STRN3: variants seen among roughly 807,000 people sequenced by gnomAD.
The protein encoded by STRN3 is striatin-3.
Under a neutral mutation model 95.6 loss-of-function variants are expected in STRN3, and 29 were observed. The ratio of observed to expected loss-of-function variants is 0.30; its 90% CI spans 0.23 to 0.41. The LOEUF is 0.41. Among genes scored for constraint, STRN3 ranks in the 10% least tolerant of loss-of-function variants. The pLI is 1.00. For missense variants in STRN3, 890 were observed against 972.1 expected (o/e 0.92, Z 1.12); for synonymous variants, 331 against 357.6 (o/e 0.93, Z 0.84).
At chr14:30,963,947 C>T (rs1276918230) in intron 1 of STRN3, among the ~76,000 whole-genome samples, 3 of 152,048 alleles carry the variant, frequency 2.0e-5, no homozygotes, top group Non-Finnish European at 2.9e-5. Context: ...GATATAAATG[C>T]TTACATTAAA....
At chr14:30,968,004 TCTC>T (rs1880619267) in intron 1 of STRN3, among the ~76,000 whole-genome samples, 1 of 152,052 alleles carries the variant, frequency 6.6e-6, no homozygotes, top group Non-Finnish European at 1.5e-5. Flanking sequence ...TAATAACTGG[TCTC>T]CTCAAACGTG....
At chr14:30,909,313 C>T (rs1162471026) in intron 13 of STRN3, among the ~76,000 whole-genome samples, 8 of 152,190 alleles carry the variant, frequency 5.3e-5, no homozygotes, top group African/African-American at 9.6e-5. Flanking sequence ...AAGACCACCC[C>T]GGGCAACATG....
Position 30,900,747 on chromosome 14 carries a change from C to CA in STRN3, c.2137+1788dup, listed in dbSNP as rs57963139. Among the ~76,000 whole-genome samples the CA allele has an allele frequency of 6.1e-3, 809 of 131,990 alleles. 6 individuals carry two copies. The highest frequency in any genetic ancestry group is 0.021 in the African/African-American group (728 of 34,698). The allele number at this position is 131,990 out of a possible 152,430, so 86.6% of individuals were successfully genotyped here. ...TCTGGGCAACAGAGCAAGACTGGCT[C>CA]AAAAAAAAAAAAAAAGGATTTTTTT... On this transcript the variant is annotated intron_variant, in intron 16 of 17. Coordinates refer to ENST00000357479, the MANE Select transcript of STRN3 (RefSeq NM_001083893.2).
intron 1 of STRN3, among the ~76,000 whole-genome samples, chr14:31,012,245 T>A (rs1883004378): frequency 6.6e-6 from 1 of 152,258 alleles, no homozygotes; most frequent in Non-Finnish European, 1.5e-5. Flanking sequence ...TATCTTTGTT[T>A]TCTTTCTCAT....
intron 16 of STRN3, among the ~76,000 whole-genome samples, chr14:30,896,608 A>G (rs1896159777): frequency 6.6e-6 from 1 of 152,040 alleles, no homozygotes; most frequent in Non-Finnish European, 1.5e-5. Context: ...GAAGGAAGGA[A>G]AAGTGTCAGT....
intron 8 of STRN3, among the ~76,000 whole-genome samples, chr14:30,922,320 G>A (rs544066380): frequency 6.6e-6 from 1 of 152,204 alleles, no homozygotes; most frequent in South Asian, 2.1e-4. Context: ...GAGCCACCAT[G>A]CCCAGCTAGA....
chr14:30,987,379 C>T (rs553806083), intron 1 of STRN3, among the ~76,000 whole-genome samples: 4 of 151,892 alleles, frequency 2.6e-5, no homozygotes, highest in Non-Finnish European at 5.9e-5. Context: ...TGGTGGCAGG[C>T]GCCTGTAGTC....
chr14:31,009,386 C>G (rs1594578345), intron 1 of STRN3, among the ~76,000 whole-genome samples: 1 of 152,194 alleles, frequency 6.6e-6, no homozygotes, highest in East Asian at 1.9e-4. Flanking sequence ...CCACTCTCCA[C>G]TAAATGCCAG....
At chr14:30,979,752 A>C (rs1041913817) in intron 1 of STRN3, among the ~76,000 whole-genome samples, 3 of 151,896 alleles carry the variant, frequency 2.0e-5, no homozygotes, top group Non-Finnish European at 2.9e-5. Flanking sequence ...GGTGCACACC[A>C]CCACACCCGG....
chr14:30,979,253 T>C (rs1013542713), intron 1 of STRN3, among the ~76,000 whole-genome samples: 12 of 152,034 alleles, frequency 7.9e-5, no homozygotes, highest in African/African-American at 2.7e-4. Flanking sequence ...ATGAGAGATA[T>C]CAAAGAAAAT....
chr14:30,939,959 G>A (rs1456035488), intron 5 of STRN3, among the ~76,000 whole-genome samples: 1 of 151,686 alleles, frequency 6.6e-6, no homozygotes, highest in African/African-American at 2.4e-5. Flanking sequence ...GTATGTCCAT[G>A]TAAATCACAT....
At chr14:30,926,914 A>C (rs574107437) in intron 8 of STRN3, among the ~76,000 whole-genome samples, 1 of 152,284 alleles carries the variant, frequency 6.6e-6, no homozygotes, top group African/African-American at 2.4e-5. Flanking sequence ...AAAAAATACA[A>C]ACATATATAA....
chr14:30,964,295 A>C (rs1417458451), intron 1 of STRN3: 1 of 152,244 alleles, frequency 6.6e-6, no homozygotes, highest in Non-Finnish European at 1.5e-5. Flanking sequence ...ATTTGAAGCC[A>C]GTTGGATCAT....
chr14:30,959,687 G>A (rs1461209590), intron 1 of STRN3, among the ~76,000 whole-genome samples: 1 of 151,986 alleles, frequency 6.6e-6, no homozygotes, highest in East Asian at 1.9e-4. Context: ...AAGGCAAGGT[G>A]GCACATGACT....
intron 9 of STRN3, among the ~76,000 whole-genome samples, chr14:30,916,509 T>C (rs963126625): frequency 1.1e-4 from 16 of 152,246 alleles, no homozygotes; most frequent in African/African-American, 3.4e-4. Flanking sequence ...TCTCCTGACC[T>C]CGTGATCCAC....
At chr14:30,986,126 A>T (rs761919479) in intron 1 of STRN3, among the ~76,000 whole-genome samples, 1 of 152,188 alleles carries the variant, frequency 6.6e-6, no homozygotes, top group South Asian at 2.1e-4. Flanking sequence ...GTGAAGGTAT[A>T]AAAGTTCCCT....
At chr14:30,970,293 T>TA (rs1281380902) in intron 1 of STRN3, among the ~76,000 whole-genome samples, 2 of 152,194 alleles carry the variant, frequency 1.3e-5, no homozygotes. Context: ...GAGATTTCGA[T>TA]AAAGACCCGA....
At chr14:30,942,219 T>C in intron 5 of STRN3, among the ~76,000 whole-genome samples, 1 of 152,184 alleles carries the variant, frequency 6.6e-6, no homozygotes, top group Non-Finnish European at 1.5e-5. Flanking sequence ...ATTGTTTTTT[T>C]TGTTGTTGTT....
chr14:30,935,066 C>CCATA lies in STRN3; in HGVS notation c.988+93_988+96dup. 3 of 1,446,812 alleles carry CCATA rather than the reference C, an allele frequency of 2.1e-6. No individual in the cohort carries two copies. The South Asian group carries it at 4.5e-5, about 21-fold the overall frequency. 89.6% of individuals were successfully genotyped at this position (1,446,812 alleles called of 1,614,324 possible). ...CCCCTTGCTCTCCGTTTAACTGCCA[C>CCATA]CATATATTTATACACACATTCCACA... On this transcript the variant is annotated intron_variant, in intron 7 of 17. Coordinates refer to ENST00000357479, the MANE Select transcript of STRN3 (RefSeq NM_001083893.2).
Sources: allele counts gnomAD v4.1 joint callset (sites outside exome capture counted in the v4.1 genomes callset), GRCh38; gene constraint gnomAD v4.1.1; transcripts MANE v1.5; gene names NCBI Gene and HGNC (gene_info 2026-07-23, HGNC 2026-07-21).